The following ZNF541 variants were observed in gnomAD, a reference collection of about 807,000 sequenced individuals.
ZNF541 encodes the protein zinc finger protein 541.
Under a neutral mutation model 123.5 loss-of-function variants are expected in ZNF541, and 23 were observed. That is an observed-to-expected ratio of 0.19 (90% CI 0.13 to 0.26). ZNF541 has a LOEUF of 0.26. Ranked by LOEUF, ZNF541 falls within the 10% of genes least tolerant of loss-of-function variation. ZNF541 has a pLI of 1.00. For synonymous variants in ZNF541, 751 were observed against 754.5 expected (o/e 1.00, Z 0.08); for missense variants, 1,612 against 1,789.9 (o/e 0.90, Z 1.79).
chr19:47,546,111 G>A (rs1024469342), intron 4 of ZNF541, 131 bp from the exon 5 acceptor site: 3 of 739,716 alleles, frequency 4.1e-6, no homozygotes, highest in South Asian at 4.1e-5. Flanking sequence ...CAGCCCCCAC[G>A]AGGAAAGACC....
intron 12 of ZNF541, among the ~76,000 whole-genome samples, chr19:47,530,428 C>T (rs1369093390): frequency 6.6e-6 from 1 of 151,084 alleles, no homozygotes; most frequent in African/African-American, 2.4e-5. Context: ...AGGTGATCCA[C>T]CCCCGCCTTG....
At chr19:47,523,091 T>C in intron 14 of ZNF541, among the ~76,000 whole-genome samples, 1 of 144,922 alleles carries the variant, frequency 6.9e-6, no homozygotes, top group Non-Finnish European at 1.5e-5. Context: ...GCGAGTATCT[T>C]TTTTTTTTTT....
chr19:47,548,051 A>AC (rs1241059214), intron 4 of ZNF541, among the ~76,000 whole-genome samples: 46 of 149,012 alleles, frequency 3.1e-4, no homozygotes, highest in Admixed American at 1.4e-3. Context: ...AAAAAAAAAA[A>AC]AGGAAATTTT....
intron 2 of ZNF541, among the ~76,000 whole-genome samples, chr19:47,568,797 G>A (rs1971365571): frequency 6.6e-6 from 1 of 151,838 alleles, no homozygotes; most frequent in South Asian, 2.1e-4. Flanking sequence ...TCAACCTTCC[G>A]AGTAGCTGGG....
Position 47,531,656 on chromosome 19 carries a change from G to T in ZNF541, c.3391C>A (p.Gln1131Lys), listed in dbSNP as rs532156959. ...ELALHCLHEA[Q>K]GNVQVALETL... is the part of the protein sequence containing the mutation. ...CTGTTCCTCACCTGAACGTTGCCCT[G>T]AGCCTCGTGCAGGCAGTGCAGAGCG... The change falls in exon 12 of 17, where the codon CAG becomes AAG. Residue 1131 changes from glutamine (Q) to lysine (K), a missense_variant. By Grantham distance (53) the Gln-to-Lys change is moderately conservative. Coordinates refer to ENST00000391901, the MANE Select transcript of ZNF541 (RefSeq NM_001277075.3). The T allele has an allele frequency of 3.6e-5, 56 of 1,544,580 alleles. No homozygotes were observed. Among genetic ancestry groups the T allele is most frequent in the Middle Eastern group, 3.4e-4 (2 of 5,892 alleles).
chr19:47,538,801 C>T (rs1298590942), intron 8 of ZNF541, among the ~76,000 whole-genome samples: 1 of 152,216 alleles, frequency 6.6e-6, no homozygotes, highest in Non-Finnish European at 1.5e-5. Flanking sequence ...GACCCAGCCA[C>T]TGACTCAGGG....
Position 47,544,157 on chromosome 19 carries a change from T to G in ZNF541, c.2372A>C (p.Lys791Thr), listed in dbSNP as rs887956237. ...SSAGPPADPS[K>T]SKLTIFSRIQ... ...TCTGCTGAATATTGTCAGCTTGGAC[T>G]TGGAGGGATCTGCCGGGGGCCCGGC... is the stretch of plus-strand genomic sequence containing the variant. Residue 791 changes from lysine (K) to threonine (T), a missense_variant, in exon 5 of 17, where the codon AAG (lysine) becomes ACG (threonine). Lys to Thr is a moderately conservative substitution (Grantham distance 78, BLOSUM62 -1). This residue lies in a region of ZNF541 where 1,080 missense variants were observed against 1,013.8 expected (regional missense o/e 1.07). Transcript: ENST00000391901. 1 of 1,551,560 alleles carries G rather than the reference T, an allele frequency of 6.4e-7. No individual in the cohort carries two copies. Among genetic ancestry groups the G allele is most frequent in the African/African-American group, 1.4e-5 (1 of 73,192 alleles).
intron 9 of ZNF541, among the ~76,000 whole-genome samples, chr19:47,537,494 T>C (rs1032146431): frequency 6.8e-6 from 1 of 146,286 alleles, no homozygotes; most frequent in Non-Finnish European, 1.5e-5. Context: ...AACTTGGGAG[T>C]TGGAGGTTTC....
chr19:47,545,457 C>T lies in ZNF541; in HGVS notation c.1072G>A (p.Ala358Thr). 17 of 1,475,132 alleles carry T rather than the reference C, an allele frequency of 1.2e-5. No homozygotes were observed. The highest frequency in any genetic ancestry group is 1.5e-5 in the Non-Finnish European group (17 of 1,110,682). The allele number at this position is 1,475,132 out of a possible 1,614,324, so 91.4% of individuals were successfully genotyped here. Reference protein sequence around the residue: ...DVFTAPNSRAAENGAPDPPEP... With the variant: ...DVFTAPNSRATENGAPDPPEP... Reference sequence around the variant, plus strand: ...GGCGGGTCGGGGGCGCCGTTCTCGGCGGCCCTGGAATTAGGGGCTGTGAAC... The same window carrying T: ...GGCGGGTCGGGGGCGCCGTTCTCGGTGGCCCTGGAATTAGGGGCTGTGAAC... The change falls in exon 5 of 17, where the codon GCC becomes ACC. Residue 358 changes from alanine to threonine, a missense_variant. Around this residue, in one of 5 missense-constraint regions of ZNF541, gnomAD observed 1,080 missense variants for 1,013.8 expected, o/e 1.07. Transcript: ENST00000391901. This position sits in a 1 kb window ranked among gnomAD's most constrained non-coding sequence, Gnocchi z 7.5.
intron 14 of ZNF541, 129 bp downstream of exon 14, chr19:47,528,821 T>G: frequency 1.5e-6 from 1 of 662,672 alleles, no homozygotes. Context: ...CATTGTAAAC[T>G]GTCTACAGTA....
chr19:47,549,202 C>A, intron 4 of ZNF541, 43 bp downstream of exon 4: 1 of 1,548,786 alleles, frequency 6.5e-7, no homozygotes, highest in South Asian at 1.2e-5. Context: ...GTCCCCACCC[C>A]CAGCCCCTGA....
At chr19:47,533,078 C>A in intron 9 of ZNF541, 106 bp from the exon 10 acceptor site, 2 of 1,098,524 alleles carry the variant, frequency 1.8e-6, no homozygotes, top group Non-Finnish European at 2.6e-6. Context: ...CTTTAAGATC[C>A]CATGGGTTGG....
Position 47,544,772 on chromosome 19 carries a change from T to G in ZNF541, c.1757A>C (p.Lys586Thr), listed in dbSNP as rs1333932747. The G allele has an allele frequency of 2.0e-6, 3 of 1,510,726 alleles. 1 individual carries two copies. In the South Asian group the frequency reaches 3.7e-5, roughly 19 times the overall value. 93.6% of individuals were successfully genotyped at this position (1,510,726 alleles called of 1,614,324 possible). The change falls in exon 5 of 17, where the codon AAA (lysine) becomes ACA (threonine). Residue 586 changes from lysine to threonine, a missense_variant. Transcript: ENST00000391901. ...CTGCAGCGGCCTCAGGGCGGCTGGT[T>G]TGCCCTCGGGCGCAGGGAGCTGGGA... ...VSSQLPAPEG[K>T]PAALRPLQGP...
intron 3 of ZNF541, among the ~76,000 whole-genome samples, chr19:47,550,722 T>C (rs562570043): frequency 2.6e-5 from 4 of 152,174 alleles, no homozygotes; most frequent in East Asian, 1.9e-4. Context: ...TCACAGCTCA[T>C]TGCAGTCTCT....
rs114410702 is a variant in ZNF541 at position 47,535,376 on chromosome 19, T to G, written c.3095-2404A>C. Among the ~76,000 whole-genome samples the G allele has an allele frequency of 3.0e-3, 452 of 152,326 alleles. 4 individuals are homozygous for G. Among genetic ancestry groups the G allele is most frequent in the African/African-American group, 0.01 (418 of 41,578 alleles). On this transcript the variant is annotated intron_variant, in intron 9 of 16. Coordinates refer to ENST00000391901, the MANE Select transcript of ZNF541 (RefSeq NM_001277075.3). ...AAAGGAAATTGGGCTTCATGAAAAT[T>G]AGAAATGTTTGTCCTGCAAAAGGAC...
intron 2 of ZNF541, among the ~76,000 whole-genome samples, chr19:47,569,404 G>A (rs1368331914): frequency 2.6e-5 from 4 of 152,060 alleles, no homozygotes; most frequent in African/African-American, 9.7e-5. Context: ...GAGGTAAATA[G>A]TCCAGAGAAG....
Position 47,545,548 on chromosome 19 carries a change from T to G in ZNF541, c.981A>C (p.Pro327=). Residue 327 remains proline (P), a synonymous_variant, in exon 5 of 17, where the codon CCA becomes CCC. Transcript: ENST00000391901. This position sits in a 1 kb window ranked among gnomAD's most constrained non-coding sequence, Gnocchi z 7.5. ...CGGGAAGCTCGGTGTCCAGCGCTGC[T>G]GGGGCCGCGTGGGGGCCGGCTGGGG... ...SCTPAGPHAA[P]AALDTELPEE... 1.3e-6 allele frequency: 2 copies of G among 1,535,594 alleles called. No homozygotes were observed.
At chr19:47,568,297 GCAGA>G (rs781529868) in intron 2 of ZNF541, among the ~76,000 whole-genome samples, 5 of 152,158 alleles carry the variant, frequency 3.3e-5, no homozygotes, top group Non-Finnish European at 7.3e-5. Context: ...TGGGAGTTGA[GCAGA>G]CAGACTTGCA....
intron 3 of ZNF541, among the ~76,000 whole-genome samples, chr19:47,552,914 G>A (rs1387036715): frequency 2.0e-5 from 3 of 150,990 alleles, no homozygotes; most frequent in Non-Finnish European, 1.5e-5. Flanking sequence ...TTTGAGACCA[G>A]TCTGGCCAAG....
Sources: allele counts gnomAD v4.1 joint callset (sites outside exome capture counted in the v4.1 genomes callset), GRCh38; gene constraint gnomAD v4.1.1; regional missense constraint gnomAD v4.1.1; non-coding constraint Gnocchi (gnomAD v3.1); transcripts MANE v1.5; gene names NCBI Gene and HGNC (gene_info 2026-07-23, HGNC 2026-07-21).